Variants in KIF14 observed in about 807,000 individuals in gnomAD.
KIF14 encodes kinesin family member 14, also known as kinesin-like protein KIF14.
In KIF14, 98 loss-of-function variants were observed where a neutral mutation model predicts 176.2. The ratio of observed to expected loss-of-function variants is 0.56; its 90% CI spans 0.47 to 0.66. The LOEUF (loss-of-function observed/expected upper bound fraction) is 0.66. Ranked by LOEUF, KIF14 falls within the 30% of genes least tolerant of loss-of-function variation. The pLI is 0.00. For missense variants in KIF14, 1,751 were observed against 1,920.4 expected (o/e 0.91, Z 1.65); for synonymous variants, 566 against 632.2 (o/e 0.90, Z 1.57).
At chr1:200,581,371 A>T (rs1184551118) in intron 19 of KIF14, 77 bp from the exon 20 acceptor site, 4 of 526,040 alleles carry the variant, frequency 7.6e-6, no homozygotes, top group South Asian at 3.7e-5. Context: ...AACAATTCCT[A>T]AAAAAAAAAT....
At chr1:200,584,899 G>A (rs1029972055) in intron 19 of KIF14, among the ~76,000 whole-genome samples, 2 of 152,112 alleles carry the variant, frequency 1.3e-5, no homozygotes, top group Non-Finnish European at 2.9e-5. Context: ...TGAGAAGGAA[G>A]AAGTAAAATT....
At chr1:200,556,311 A>G (rs1322517287) in intron 27 of KIF14, among the ~76,000 whole-genome samples, 1 of 152,200 alleles carries the variant, frequency 6.6e-6, no homozygotes, top group East Asian at 1.9e-4. Context: ...GTGGTTTAAA[A>G]AAAAACAAAA....
chr1:200,563,732 G>T (rs1407816701), intron 25 of KIF14, among the ~76,000 whole-genome samples: 1 of 152,012 alleles, frequency 6.6e-6, no homozygotes, highest in East Asian at 1.9e-4. Context: ...GCATATCAAG[G>T]AATTTTTAAG....
chr1:200,573,451 T>TTTTTTTTA (rs1657933022), intron 22 of KIF14, among the ~76,000 whole-genome samples: 1 of 92,772 alleles, frequency 1.1e-5, no homozygotes, highest in African/African-American at 3.7e-5. Context: ...TTTTTTTTTT[T>TTTTTTTTA]GAGACGGAGT....
rs1004003807 is a variant in KIF14 at position 200,553,269 on chromosome 1, A to G, written c.*119T>C. On this transcript the variant is annotated 3_prime_UTR_variant, in exon 30 of 30. Coordinates refer to ENST00000367350, the MANE Select transcript of KIF14 (RefSeq NM_014875.3). Reference sequence around the variant, plus strand: ...ATAGATATTTTAAAGATAAAAAGACATGGACTTTTTTGAAATATCTGTGCT... The same window carrying G: ...ATAGATATTTTAAAGATAAAAAGACGTGGACTTTTTTGAAATATCTGTGCT... 12 of 1,059,328 alleles carry G rather than the reference A, an allele frequency of 1.1e-5. No homozygotes were observed. Among genetic ancestry groups the G allele is most frequent in the Non-Finnish European group, 1.6e-5 (12 of 743,970 alleles). The allele number at this position is 1,059,328 out of a possible 1,614,324, so 65.6% of individuals were successfully genotyped here.
At chr1:200,568,362 C>T (rs940851592) in intron 23 of KIF14, among the ~76,000 whole-genome samples, 16 of 152,154 alleles carry the variant, frequency 1.1e-4, no homozygotes, top group African/African-American at 3.6e-4. Context: ...AAACCCACAG[C>T]ATATTTTAAT....
intron 26 of KIF14, 49 bp downstream of exon 26, chr1:200,560,673 C>CT: frequency 3.1e-6 from 5 of 1,589,308 alleles, no homozygotes; most frequent in Non-Finnish European, 4.3e-6. Flanking sequence ...TATCAAAAGT[C>CT]TAATGTTCCC....
Position 200,606,743 on chromosome 1 carries a change from T to C in KIF14, c.1607+3A>G, listed in dbSNP as rs757586522. 1 of 1,613,072 alleles carries C rather than the reference T, an allele frequency of 6.2e-7. No homozygotes were observed. Among genetic ancestry groups the C allele is most frequent in the Non-Finnish European group, 8.5e-7 (1 of 1,179,306 alleles). ...CTTTGCCCTTGCTGAGCCAAATACT[T>C]ACATTGACAGTGCTTCAACATATGG... On this transcript the variant is annotated splice_donor_region_variant and intron_variant, in intron 6 of 29. Coordinates refer to ENST00000367350, the MANE Select transcript of KIF14 (RefSeq NM_014875.3).
chr1:200,618,090 G>T lies in KIF14; in HGVS notation c.634C>A (p.Leu212Ile), dbSNP rs1660498050. Reference sequence around the variant, plus strand: ...GGTGGTCTATTACTTGAGTACTTAAGTGCAACATTTTCATTTGCTCTACTG... The same window carrying T: ...GGTGGTCTATTACTTGAGTACTTAATTGCAACATTTTCATTTGCTCTACTG... ...APSRANENVA[L>I]KYSSNRPPIA... Residue 212 changes from leucine (L) to isoleucine (I), a missense_variant, in exon 2 of 30, where the codon CTT becomes ATT. Coordinates refer to ENST00000367350, the MANE Select transcript of KIF14 (RefSeq NM_014875.3). The T allele has an allele frequency of 1.9e-6, 3 of 1,614,126 alleles. No individual in the cohort carries two copies. Among genetic ancestry groups the T allele is most frequent in the Admixed American group, 1.7e-5 (1 of 60,024 alleles).
At chr1:200,580,417 T>A in intron 20 of KIF14, 34 bp from the exon 21 acceptor site, 1 of 1,376,690 alleles carries the variant, frequency 7.3e-7, no homozygotes. Context: ...AAGCTTATCC[T>A]GAAACATACA....
chr1:200,569,804 A>G, intron 23 of KIF14, 107 bp downstream of exon 23: 1 of 567,048 alleles, frequency 1.8e-6, no homozygotes, highest in Non-Finnish European at 3.0e-6. Flanking sequence ...AGGAATCAGA[A>G]GCTTCCAGGA....
At chr1:200,608,284 T>G (rs1215029520) in intron 5 of KIF14, among the ~76,000 whole-genome samples, 4 of 152,134 alleles carry the variant, frequency 2.6e-5, no homozygotes, top group African/African-American at 7.2e-5. Flanking sequence ...TATCTTTAGT[T>G]TTATACAATT....
In KIF14 at chr1:200,559,434, C is replaced by T. The variant is rs139190771; in HGVS notation, c.4249G>A (p.Val1417Ile). ...ASVQEEFMDAVCDGVGLGMKI... is the reference protein window; with the variant it reads ...ASVQEEFMDAICDGVGLGMKI... ...ATTCCTAAGCCTACACCATCACAAA[C>T]AGCATCCATGAATTCCTCCTAGAAA... Residue 1417 changes from valine (V) to isoleucine (I), a missense_variant, in exon 27 of 30, where the codon GTT (valine) becomes ATT (isoleucine). Physicochemically the swap from Val to Ile is conservative, Grantham distance 29. Coordinates refer to ENST00000367350, the MANE Select transcript of KIF14 (RefSeq NM_014875.3). 7 of 1,536,064 alleles carry T rather than the reference C, an allele frequency of 4.6e-6. No individual in the cohort carries two copies. The African/African-American group carries it at 8.3e-5, about 18-fold the overall frequency.
intron 21 of KIF14, among the ~76,000 whole-genome samples, chr1:200,576,477 C>CAA (rs34294441): frequency 3.1e-4 from 27 of 87,460 alleles, no homozygotes; most frequent in South Asian, 1.7e-3. Flanking sequence ...GACTCCGTCT[C>CAA]AAAAAAAAAA....
chr1:200,606,380 C>T (rs1256139377), intron 6 of KIF14, among the ~76,000 whole-genome samples: 1 of 152,086 alleles, frequency 6.6e-6, no homozygotes, highest in South Asian at 2.1e-4. Flanking sequence ...TACCCTCTTC[C>T]CTGTCTAGCT....
At chr1:200,563,050 C>A (rs941485630) in intron 25 of KIF14, among the ~76,000 whole-genome samples, 3 of 152,102 alleles carry the variant, frequency 2.0e-5, no homozygotes, top group African/African-American at 7.2e-5. Flanking sequence ...AAGACAGGTG[C>A]CTAACCAAGT....
Position 200,592,251 on chromosome 1 carries a change from C to G in KIF14, c.2653-11G>C, listed in dbSNP as rs745596466. On this transcript the variant is annotated splice_polypyrimidine_tract_variant and intron_variant, in intron 15 of 29. Coordinates refer to ENST00000367350, the MANE Select transcript of KIF14 (RefSeq NM_014875.3). Reference sequence around the variant, plus strand: ...AATCACTCGATCACCCTAAAGCACACAAAAAAATGTACTACTTGAGGTGAG... The same window carrying G: ...AATCACTCGATCACCCTAAAGCACAGAAAAAAATGTACTACTTGAGGTGAG... 6.3e-7 allele frequency: 1 copy of G among 1,583,530 alleles called. No individual in the cohort carries two copies. Among genetic ancestry groups the G allele is most frequent in the Admixed American group, 1.9e-5 (1 of 52,392 alleles).
intron 22 of KIF14, among the ~76,000 whole-genome samples, chr1:200,572,100 T>C (rs908721809): frequency 2.0e-5 from 3 of 152,218 alleles, no homozygotes; most frequent in African/African-American, 7.2e-5. Flanking sequence ...TAAACATTGT[T>C]ACAAGGCTGA....
intron 5 of KIF14, among the ~76,000 whole-genome samples, chr1:200,608,388 G>A (rs1290683091): frequency 9.0e-5 from 13 of 144,066 alleles, no homozygotes; most frequent in Admixed American, 6.4e-4. Flanking sequence ...TTTTGGAGAC[G>A]AAGTCTCACT....
Sources: allele counts gnomAD v4.1 joint callset (sites outside exome capture counted in the v4.1 genomes callset), GRCh38; gene constraint gnomAD v4.1.1; transcripts MANE v1.5; gene names NCBI Gene and HGNC (gene_info 2026-07-23, HGNC 2026-07-21).